The following UST variants were observed in gnomAD, a reference collection of about 807,000 sequenced individuals.
UST encodes the protein chondroitin sulfate 2-O-sulfotransferase.
UST carries 21 observed loss-of-function variants against 45.6 expected under a neutral mutation model. That is an observed-to-expected ratio of 0.46 (90% CI 0.33 to 0.66). The LOEUF (loss-of-function observed/expected upper bound fraction) is 0.66, where lower values mean the gene tolerates loss of function less well. UST is among the 30% of genes least tolerant of loss of function. The pLI, the probability that UST is intolerant of heterozygous loss-of-function variation, is 0.02. For missense variants in UST, 463 were observed against 512.4 expected (o/e 0.90, Z 0.93); for synonymous variants, 215 against 200.6 (o/e 1.07, Z -0.61).
intron 1 of UST, among the ~76,000 whole-genome samples, chr6:148,809,475 T>A (rs1191582062): frequency 1.3e-5 from 2 of 152,196 alleles, no homozygotes; most frequent in Non-Finnish European, 2.9e-5. Context: ...CTCAACACTC[T>A]AACGTGCTCA....
intron 7 of UST, among the ~76,000 whole-genome samples, chr6:149,032,179 G>A (rs759614515): frequency 1.8e-4 from 27 of 152,144 alleles, no homozygotes; most frequent in Non-Finnish European, 3.5e-4. Flanking sequence ...CAGCGCCAGT[G>A]GCCAAGCCGC....
chr6:148,794,504 T>C (rs1207157465), intron 1 of UST, among the ~76,000 whole-genome samples: 2 of 152,234 alleles, frequency 1.3e-5, no homozygotes, highest in African/African-American at 4.8e-5. Flanking sequence ...TTGTAAGTGT[T>C]GTCAGCTTTA....
rs531071013 is a variant in UST, at chr6:148,952,225, A to G, written c.448-1647A>G. Among the ~76,000 whole-genome samples the G allele has an allele frequency of 3.3e-5, 5 of 152,358 alleles. No homozygotes were observed. The South Asian group carries it at 1.0e-3, about 32-fold the overall frequency. On this transcript the variant is annotated intron_variant, in intron 3 of 7. Coordinates refer to ENST00000367463, the MANE Select transcript of UST (RefSeq NM_005715.3). ...CTCCAAACCAGTAATTCCATTAGTA[A>G]ATGCATCAAAAATCAAAATGAACAA...
intron 4 of UST, among the ~76,000 whole-genome samples, chr6:148,961,143 A>T (rs907045606): frequency 2.6e-5 from 4 of 152,248 alleles, no homozygotes; most frequent in African/African-American, 4.8e-5. Flanking sequence ...AATTTAAAAA[A>T]TACGACACAG....
intron 1 of UST, among the ~76,000 whole-genome samples, chr6:148,783,370 C>G (rs1004943727): frequency 1.3e-5 from 2 of 152,144 alleles, no homozygotes. Context: ...CACACATATA[C>G]ACAAATAACA....
intron 1 of UST, among the ~76,000 whole-genome samples, chr6:148,783,124 G>A (rs72997101): frequency 2.0e-5 from 3 of 152,316 alleles, no homozygotes; most frequent in Non-Finnish European, 2.9e-5. Flanking sequence ...CCAGCAAAAA[G>A]ATTATGACTC....
intron 2 of UST, among the ~76,000 whole-genome samples, chr6:148,919,900 C>T (rs9766788): frequency 0.032 from 4,913 of 152,254 alleles, 275 homozygotes; most frequent in African/African-American, 0.11. Flanking sequence ...GGTTTAAAGG[C>T]CCATATTTAC....
intron 1 of UST, among the ~76,000 whole-genome samples, chr6:148,831,992 G>T (rs1441938308): frequency 6.6e-6 from 1 of 152,046 alleles, no homozygotes; most frequent in South Asian, 2.1e-4. Context: ...AATATTAATT[G>T]ACTTTACTTA....
chr6:148,931,208 TCTC>T (rs563171715), intron 2 of UST, among the ~76,000 whole-genome samples: 17 of 152,354 alleles, frequency 1.1e-4, no homozygotes, highest in Admixed American at 4.6e-4. Context: ...AATCAATACT[TCTC>T]CTCTATTTGT....
rs775744392 is a variant in UST, at chr6:149,021,318, A to G, written c.780-6A>G. ...TGATTTTAAATAAATTTTTATATCC[A>G]TAAAGGGAGCCTGGTGAATGGGCCC... On this transcript the variant is annotated splice_region_variant and splice_polypyrimidine_tract_variant and intron_variant, in intron 6 of 7. Coordinates refer to ENST00000367463, the MANE Select transcript of UST (RefSeq NM_005715.3). 20 of 1,603,398 alleles carry G rather than the reference A, an allele frequency of 1.2e-5. No homozygotes were observed. Among genetic ancestry groups the G allele is most frequent in the Non-Finnish European group, 4.3e-6 (5 of 1,174,504 alleles).
intron 1 of UST, among the ~76,000 whole-genome samples, chr6:148,820,620 G>A (rs1309561293): frequency 6.6e-6 from 1 of 152,078 alleles, no homozygotes; most frequent in Non-Finnish European, 1.5e-5. Flanking sequence ...GGAGGCCGAG[G>A]CAGGCGGATC....
intron 1 of UST, among the ~76,000 whole-genome samples, chr6:148,819,350 T>C (rs887615732): frequency 2.0e-5 from 3 of 152,330 alleles, no homozygotes; most frequent in African/African-American, 7.2e-5. Flanking sequence ...CAAAATACGA[T>C]TTGACATAAT....
chr6:149,000,207 T>C (rs918951823), intron 5 of UST, among the ~76,000 whole-genome samples: 1 of 152,164 alleles, frequency 6.6e-6, no homozygotes, highest in Admixed American at 6.5e-5. Flanking sequence ...CAACTGCTCA[T>C]CTTCTGCCTG....
In UST at chr6:149,051,711, G is replaced by T. The variant is rs371683182; in HGVS notation, c.938-22122G>T. On this transcript the variant is annotated intron_variant, in intron 7 of 7. Transcript: ENST00000367463. ...TTGTATCTGACTGCATTTTCTCTTT[G>T]CCCTAAACCATCCAGCTATTGCAGT... Among the ~76,000 whole-genome samples the T allele has an allele frequency of 3.9e-5, 6 of 152,100 alleles. No individual in the cohort carries two copies. In the South Asian group the frequency reaches 1.0e-3, roughly 26 times the overall value.
At chr6:148,841,921 C>T (rs1164463077) in intron 1 of UST, among the ~76,000 whole-genome samples, 9 of 152,176 alleles carry the variant, frequency 5.9e-5, no homozygotes, top group Non-Finnish European at 1.3e-4. Context: ...GCCTGGCCAA[C>T]ATGGAGAAAC....
In UST at chr6:148,960,166, G is replaced by A. The variant is rs548955960; in HGVS notation, c.528-4244G>A. Among the ~76,000 whole-genome samples, 4 of 152,242 alleles carry A rather than the reference G, an allele frequency of 2.6e-5. 1 individual carries two copies. In the South Asian group the frequency reaches 8.3e-4, roughly 32 times the overall value. ...TAGATGGGCATGGTGATGGGCGCCT[G>A]TAATCCCAACTACTTGGGAGACTGT... On this transcript the variant is annotated intron_variant, in intron 4 of 7. Coordinates refer to ENST00000367463, the MANE Select transcript of UST (RefSeq NM_005715.3).
At chr6:148,869,657 G>A (rs1278087231) in intron 1 of UST, among the ~76,000 whole-genome samples, 2 of 152,226 alleles carry the variant, frequency 1.3e-5, no homozygotes, top group East Asian at 1.9e-4. Flanking sequence ...ATCCACACAC[G>A]CTTCCTAAAT....
chr6:149,043,960 A>G (rs1298376580), intron 7 of UST, among the ~76,000 whole-genome samples: 1 of 152,244 alleles, frequency 6.6e-6, no homozygotes, highest in Admixed American at 6.5e-5. Flanking sequence ...AAGTAGATAC[A>G]AAACCACATG....
At chr6:148,787,778 A>G (rs1776760292) in intron 1 of UST, among the ~76,000 whole-genome samples, 1 of 152,180 alleles carries the variant, frequency 6.6e-6, no homozygotes, top group Non-Finnish European at 1.5e-5. Context: ...AATTGCTTTG[A>G]GCAGTGTGGT....
Sources: gnomAD v4.1 joint callset for allele counts (sites outside exome capture counted in the v4.1 genomes callset) on GRCh38, gnomAD v4.1.1 for gene constraint, MANE v1.5 for transcripts, NCBI Gene and HGNC (gene_info 2026-07-23, HGNC 2026-07-21) for gene names.